Variants in PTPRE observed in about 807,000 individuals in gnomAD.
PTPRE encodes receptor-type tyrosine-protein phosphatase epsilon.
A neutral mutation model predicts 102.0 loss-of-function variants in PTPRE; 51 were observed. The observed-to-expected ratio is 0.50, with a 90% CI of 0.40 to 0.63. The LOEUF is 0.63. Among genes scored for constraint, PTPRE ranks in the 30% least tolerant of loss-of-function variants. The pLI, the probability that PTPRE is intolerant of heterozygous loss-of-function variation, is 0.00. For synonymous variants in PTPRE, 345 were observed against 348.2 expected, an observed-to-expected ratio of 0.99 and a Z score of 0.10; for missense variants, 752 against 915.1, an observed-to-expected ratio of 0.82 and a Z score of 2.30.
chr10:128,056,817 C>T (rs372897744), intron 7 of PTPRE, among the ~76,000 whole-genome samples: 17 of 151,908 alleles, frequency 1.1e-4, no homozygotes, highest in East Asian at 5.8e-4. Context: ...TGCGGGGGTG[C>T]GTCTCGGTGA....
At chr10:127,990,823 A>G (rs561977547) in intron 2 of PTPRE, among the ~76,000 whole-genome samples, 4 of 152,328 alleles carry the variant, frequency 2.6e-5, no homozygotes, top group South Asian at 2.1e-4. Context: ...ATTTTTTTAA[A>G]AAGCATTTTA....
intron 10 of PTPRE, among the ~76,000 whole-genome samples, chr10:128,063,648 T>G (rs972857285): frequency 6.6e-6 from 1 of 152,232 alleles, no homozygotes; most frequent in Non-Finnish European, 1.5e-5. Flanking sequence ...CTGTTTCTAA[T>G]TCAAAAAAGG....
At position 127,984,168 on chromosome 10, in the gene PTPRE, G is replaced by T. The variant is rs557471799; in HGVS notation, c.-8+1872G>T. 2.7e-5 allele frequency among the ~76,000 whole-genome samples: 4 copies of T among 147,042 alleles called. No individual in the cohort carries two copies. In the East Asian group the frequency reaches 8.1e-4, roughly 30 times the overall value. ...GTGATCTCGGCTCACTGCAACCTCT[G>T]CCTCCCGGGTTCAAGCGATTCTCCT... is the stretch of plus-strand genomic sequence containing the variant. On this transcript the variant is annotated intron_variant, in intron 2 of 20. Transcript: ENST00000254667.
Position 127,985,654 on chromosome 10 carries a change from G to A in PTPRE, c.-8+3358G>A, listed in dbSNP as rs1043822185. The stretch of plus-strand genomic sequence containing the variant: ...TGCTACTCTTATTATGATCATCATC[G>A]CAGAATCATGGCAACTGTTTCCAAC... On this transcript the variant is annotated intron_variant, in intron 2 of 20. Coordinates refer to ENST00000254667, the MANE Select transcript of PTPRE (RefSeq NM_006504.6). 1.1e-4 allele frequency among the ~76,000 whole-genome samples: 17 copies of A among 152,254 alleles called. 1 individual carries two copies. The highest frequency in any genetic ancestry group is 6.5e-4 in the Admixed American group (10 of 15,296).
chr10:128,056,103 A>G lies in PTPRE; in HGVS notation c.421-20A>G. The G allele has an allele frequency of 6.4e-7, 1 of 1,558,096 alleles. No homozygotes were observed. The highest frequency in any genetic ancestry group is 8.9e-7 in the Non-Finnish European group (1 of 1,129,778). On this transcript the variant is annotated intron_variant, in intron 6 of 20. Coordinates refer to ENST00000254667, the MANE Select transcript of PTPRE (RefSeq NM_006504.6). ...GCTTGAATCCATCACATTTCATACT[A>G]ATGCTACATTTTCTTCCAGTCATTG...
chr10:128,046,713 G>A (rs35743042), intron 3 of PTPRE, among the ~76,000 whole-genome samples: 1 of 152,090 alleles, frequency 6.6e-6, no homozygotes, highest in African/African-American at 2.4e-5. Flanking sequence ...AGTGTCCCTT[G>A]GAATTTGGGC....
At chr10:128,002,017 T>G (rs1217280059) in intron 2 of PTPRE, among the ~76,000 whole-genome samples, 4 of 152,116 alleles carry the variant, frequency 2.6e-5, no homozygotes, top group Non-Finnish European at 5.9e-5. Context: ...GGCTGTTCTG[T>G]CGCTGGCTCT....
intron 2 of PTPRE, among the ~76,000 whole-genome samples, chr10:128,011,464 C>CACCA (rs1445411475): frequency 2.0e-5 from 3 of 152,182 alleles, no homozygotes. Context: ...GGCCTGGGCG[C>CACCA]ACCAGGCGGG....
intron 6 of PTPRE, among the ~76,000 whole-genome samples, chr10:128,050,610 G>T (rs1848498254): frequency 6.6e-6 from 1 of 152,236 alleles, no homozygotes. Flanking sequence ...GCATGTGGCT[G>T]TGCTAAGTGT....
chr10:127,984,187 T>G (rs1451076464), intron 2 of PTPRE, among the ~76,000 whole-genome samples: 2 of 151,506 alleles, frequency 1.3e-5, no homozygotes, highest in African/African-American at 4.9e-5. Flanking sequence ...GTTCAAGCGA[T>G]TCTCCTGCCT....
At chr10:127,955,264 G>T (rs535483903) in intron 1 of PTPRE, among the ~76,000 whole-genome samples, 148 of 151,772 alleles carry the variant, frequency 9.8e-4, no homozygotes, top group Non-Finnish European at 9.4e-4. Flanking sequence ...ACTATCATAT[G>T]ATGCAGAGAA....
At chr10:127,969,255 G>A (rs1379026320) in intron 1 of PTPRE, among the ~76,000 whole-genome samples, 1 of 152,234 alleles carries the variant, frequency 6.6e-6, no homozygotes, top group Non-Finnish European at 1.5e-5. Flanking sequence ...GAAAGGGCAA[G>A]CCTGGAGTGA....
chr10:127,936,406 T>C (rs1847847606), intron 1 of PTPRE, among the ~76,000 whole-genome samples: 1 of 152,218 alleles, frequency 6.6e-6, no homozygotes, highest in Non-Finnish European at 1.5e-5. Flanking sequence ...GTTGTAGATG[T>C]TATGAATAGA....
chr10:128,035,210 C>A (rs1298286893), intron 2 of PTPRE, among the ~76,000 whole-genome samples: 2 of 152,046 alleles, frequency 1.3e-5, no homozygotes, highest in African/African-American at 4.8e-5. Flanking sequence ...TCTCAAACTC[C>A]TGAGCTCAAA....
chr10:128,020,128 G>A (rs1326178255), intron 2 of PTPRE, among the ~76,000 whole-genome samples: 1 of 152,036 alleles, frequency 6.6e-6, no homozygotes, highest in Non-Finnish European at 1.5e-5. Flanking sequence ...CAGATCGGAG[G>A]CAGAGTAATT....
intron 2 of PTPRE, among the ~76,000 whole-genome samples, chr10:127,997,799 A>T (rs1853425735): frequency 6.6e-6 from 1 of 152,240 alleles, no homozygotes; most frequent in African/African-American, 2.4e-5. Flanking sequence ...ATTGATAATA[A>T]TACGAATTCT....
At position 128,049,671 on chromosome 10, in the gene PTPRE, G is replaced by A; in HGVS notation, c.420+5G>A. On this transcript the variant is annotated splice_donor_5th_base_variant and intron_variant, in intron 6 of 20. Coordinates refer to ENST00000254667, the MANE Select transcript of PTPRE (RefSeq NM_006504.6). ...CAGTTTCGGGAGGAGTTCAACGTGAGTGTGGGGAGGGCTCTCTGCTGGGTG... is the reference window on the plus strand; with the variant it reads ...CAGTTTCGGGAGGAGTTCAACGTGAATGTGGGGAGGGCTCTCTGCTGGGTG... 2 of 1,613,752 alleles carry A rather than the reference G, an allele frequency of 1.2e-6. No homozygotes were observed. The highest frequency in any genetic ancestry group is 1.7e-6 in the Non-Finnish European group (2 of 1,180,000).
rs1564876948 is a variant in PTPRE, at chr10:128,008,265, T to TTCCCTCCC, written c.-8+25981_-8+25988dup. Among the ~76,000 whole-genome samples, 4 of 137,726 alleles carry TTCCCTCCC rather than the reference T, an allele frequency of 2.9e-5. No homozygotes were observed. The highest frequency in any genetic ancestry group is 4.7e-5 in the Non-Finnish European group (3 of 63,686). 90.4% of individuals were successfully genotyped at this position (137,726 alleles called of 152,430 possible). On this transcript the variant is annotated intron_variant, in intron 2 of 20. Coordinates refer to ENST00000254667, the MANE Select transcript of PTPRE (RefSeq NM_006504.6). This position sits in a 1 kb window ranked among gnomAD's most constrained non-coding sequence, Gnocchi z 4.0. ...TCACCCTCCCTCCCTCTCTCCCTCA[T>TTCCCTCCC]TCCCTCCCTCCCTCCCTCCAGGTGC...
At chr10:128,068,904 C>T (rs10829324) in intron 12 of PTPRE, 49,343 of 152,350 alleles carry the variant, frequency 0.32, 8,306 homozygotes, top group Middle Eastern at 0.41. Flanking sequence ...CCACAACCCC[C>T]TGTCCACAGA....
Sources: gnomAD v4.1 joint callset for allele counts (sites outside exome capture counted in the v4.1 genomes callset) on GRCh38, gnomAD v4.1.1 for gene constraint, Gnocchi (gnomAD v3.1) non-coding constraint, MANE v1.5 for transcripts, NCBI Gene and HGNC (gene_info 2026-07-23, HGNC 2026-07-21) for gene names.